NFKBIZ: variants seen among roughly 807,000 people sequenced by gnomAD.
The protein encoded by NFKBIZ is NF-kappa-B inhibitor zeta.
NFKBIZ carries 19 observed loss-of-function variants against 76.8 expected under a neutral mutation model. The observed-to-expected ratio is 0.25, with a 90% CI of 0.17 to 0.36. NFKBIZ has a LOEUF of 0.36. Ranked by LOEUF, NFKBIZ falls within the 10% of genes least tolerant of loss-of-function variation. The probability of loss-of-function intolerance (pLI) is 1.00; values close to 1 mark genes in which losing one functional copy is unlikely to be tolerated. For missense variants in NFKBIZ, 829 were observed against 910.9 expected (o/e 0.91, Z 1.16); for synonymous variants, 368 against 354.8 (o/e 1.04, Z -0.42).
At chr3:101,847,596 T>G (rs772234899), upstream of NFKBIZ, among the ~76,000 whole-genome samples, 102 of 152,232 alleles carry the variant, frequency 6.7e-4, 1 homozygote, top group Non-Finnish European at 1.2e-3. Context: ...GCTCCTGGTC[T>G]ATAAACCTGC....
At chr3:101,839,011 A>C (rs973154360) in intron 2 of NFKBIZ, among the ~76,000 whole-genome samples, 1 of 152,206 alleles carries the variant, frequency 6.6e-6, no homozygotes, top group Non-Finnish European at 1.5e-5. Context: ...TATAAACATT[A>C]TCAGTGTTCC....
Position 101,849,554 on chromosome 3 carries a change from C to A in NFKBIZ, c.-75C>A. The A allele has an allele frequency of 8.0e-7, 1 of 1,247,400 alleles. No individual in the cohort carries two copies. Among genetic ancestry groups the A allele is most frequent in the Non-Finnish European group, 1.0e-6 (1 of 984,942 alleles). 77.3% of individuals were successfully genotyped at this position (1,247,400 alleles called of 1,614,324 possible). On this transcript the variant is annotated 5_prime_UTR_variant, in exon 1 of 12. Coordinates refer to ENST00000326172, the MANE Select transcript of NFKBIZ (RefSeq NM_031419.4). Reference sequence around the variant, plus strand: ...GTCCGCCCGCCGACAGCTCCCTGAGCCAGCCCGGGAGGCAGCCGCGCGCAG... The same window carrying A: ...GTCCGCCCGCCGACAGCTCCCTGAGACAGCCCGGGAGGCAGCCGCGCGCAG...
Position 101,853,230 on chromosome 3 carries a change from T to C in NFKBIZ, c.704T>C (p.Val235Ala). ...TGCAGCCCCGTTTCCCTGAACACAG[T>C]TCAAGTTAGCTGGCTGAACCCCGTG... is the stretch of plus-strand genomic sequence containing the variant. ...NECSPVSLNTVQVSWLNPVVV... is the reference protein window; with the variant it reads ...NECSPVSLNTAQVSWLNPVVV... The change falls in exon 5 of 12, where the codon GTT (valine) becomes GCT (alanine). Residue 235 changes from valine to alanine, a missense_variant. By Grantham distance (64) the Val-to-Ala change is moderately conservative. Coordinates refer to ENST00000326172, the MANE Select transcript of NFKBIZ (RefSeq NM_031419.4). 1 of 1,614,116 alleles carries C rather than the reference T, an allele frequency of 6.2e-7. No homozygotes were observed. Among genetic ancestry groups the C allele is most frequent in the South Asian group, 1.1e-5 (1 of 91,082 alleles).
intron 11 of NFKBIZ, chr3:101,857,786 G>T: frequency 4.1e-6 from 4 of 985,398 alleles, no homozygotes; most frequent in Non-Finnish European, 4.8e-6. Flanking sequence ...CAAGGAAAGA[G>T]AATCTTAGTC....
intron 2 of NFKBIZ, among the ~76,000 whole-genome samples, chr3:101,837,037 C>T (rs369588052): frequency 1.1e-4 from 17 of 152,166 alleles, no homozygotes; most frequent in African/African-American, 3.1e-4. Context: ...CTCATTGTAC[C>T]GATGTGGGTG....
chr3:101,848,775 T>C (rs1218062379), upstream of NFKBIZ: 1 of 152,268 alleles, frequency 6.6e-6, no homozygotes, highest in Non-Finnish European at 1.5e-5. Context: ...GGCTTTGTTC[T>C]AGTATTGAAG....
intron 11 of NFKBIZ, chr3:101,857,868 C>G: frequency 1.1e-6 from 1 of 911,526 alleles, no homozygotes. Context: ...CACAATAGTC[C>G]CGGGTACAGA....
chr3:101,853,699 C>T lies in NFKBIZ; in HGVS notation c.1173C>T (p.Ala391=), dbSNP rs577868551. 47 of 1,614,138 alleles carry T rather than the reference C, an allele frequency of 2.9e-5. No individual in the cohort carries two copies. Among genetic ancestry groups the T allele is most frequent in the Non-Finnish European group, 3.7e-5 (44 of 1,180,062 alleles). ...AGGCCATGGTGGGGCACGAGATGGC[C>T]TCTGACTCTTCAAACACTTCACTGC... ...ACEAMVGHEM[A]SDSSNTSLPF... The change falls in exon 5 of 12, where the codon GCC becomes GCT. Residue 391 remains alanine, a synonymous_variant. Transcript: ENST00000326172.
At chr3:101,831,862 A>G (rs1173499713) in intron 2 of NFKBIZ, among the ~76,000 whole-genome samples, 2 of 149,510 alleles carry the variant, frequency 1.3e-5, no homozygotes, top group Non-Finnish European at 3.0e-5. Context: ...CTAGTCTTGA[A>G]CTCCTGACCT....
rs1943107438 is a variant in NFKBIZ at position 101,859,752 on chromosome 3, G to A, written c.*381G>A. 5.8e-6 allele frequency: 1 copy of A among 171,824 alleles called. No homozygotes were observed. The highest frequency in any genetic ancestry group is 2.4e-5 in the African/African-American group (1 of 42,120). 10.6% of individuals were successfully genotyped at this position (171,824 alleles called of 1,614,324 possible). A position where few individuals can be genotyped will look rare whatever the true frequency, so the allele number is the denominator to read the frequency against. On this transcript the variant is annotated 3_prime_UTR_variant, in exon 12 of 12. Coordinates refer to ENST00000326172, the MANE Select transcript of NFKBIZ (RefSeq NM_031419.4). Reference sequence around the variant, plus strand: ...TAAATGTTTCTTTAAGAAAAAGCATGTGAAAGGAAAAAGGTAAATACAGCA... The same window carrying A: ...TAAATGTTTCTTTAAGAAAAAGCATATGAAAGGAAAAAGGTAAATACAGCA...
rs1302418159 is a variant in NFKBIZ at position 101,849,643 on chromosome 3, G to C, written c.15G>C (p.Lys5Asn). Residue 5 changes from lysine (K) to asparagine (N), a missense_variant, in exon 1 of 12, where the codon AAG becomes AAC. Transcript: ENST00000326172. MIVD[K>N]LLDDSRGGEG... ...AGCCTGGGAGCATGATTGTGGACAAGCTGCTGGACGACAGCCGCGGCGGAG... is the reference window on the plus strand; with the variant it reads ...AGCCTGGGAGCATGATTGTGGACAACCTGCTGGACGACAGCCGCGGCGGAG... 2.2e-6 allele frequency: 3 copies of C among 1,381,382 alleles called. No individual in the cohort carries two copies. Among genetic ancestry groups the C allele is most frequent in the Non-Finnish European group, 2.8e-6 (3 of 1,076,352 alleles). The allele number at this position is 1,381,382 out of a possible 1,614,324, so 85.6% of individuals were successfully genotyped here.
In NFKBIZ at chr3:101,860,813, AAG is replaced by A. The variant is rs1171126964; in HGVS notation, c.*1444_*1445del. On this transcript the variant is annotated 3_prime_UTR_variant, in exon 12 of 12. Coordinates refer to ENST00000326172, the MANE Select transcript of NFKBIZ (RefSeq NM_031419.4). ...CCTTTTTTTTTTAAAAAAAAAAAAA[AAG>A]AAAATCTCATTAGTGAACTTATCTT... The A allele has an allele frequency of 2.5e-4, 38 of 151,166 alleles. No individual in the cohort carries two copies. The highest frequency in any genetic ancestry group is 4.2e-4 in the South Asian group (2 of 4,736). 9.4% of individuals were successfully genotyped at this position (151,166 alleles called of 1,614,324 possible).
At chr3:101,856,094 A>G in intron 9 of NFKBIZ, 192 bp downstream of exon 9, 1 of 402,516 alleles carries the variant, frequency 2.5e-6, no homozygotes. Context: ...TGTGTCGCCC[A>G]GGCTGGAATG....
At position 101,859,423 on chromosome 3, in the gene NFKBIZ, C is replaced by T. The variant is rs1943103989; in HGVS notation, c.*52C>T. 1.4e-6 allele frequency: 2 copies of T among 1,444,742 alleles called. No individual in the cohort carries two copies. Among genetic ancestry groups the T allele is most frequent in the African/African-American group, 1.4e-5 (1 of 71,504 alleles). 89.5% of individuals were successfully genotyped at this position (1,444,742 alleles called of 1,614,324 possible). A position where few individuals can be genotyped will look rare whatever the true frequency, so the allele number is the denominator to read the frequency against. On this transcript the variant is annotated 3_prime_UTR_variant, in exon 12 of 12. Transcript: ENST00000326172. ...AACACTCACTGTCAGTTAGGCAGTC[C>T]TGATGTATCTGTACATAGACCATTT...
At chr3:101,858,864 A>G (rs1943093712) in intron 11 of NFKBIZ, among the ~76,000 whole-genome samples, 1 of 152,176 alleles carries the variant, frequency 6.6e-6, no homozygotes, top group Non-Finnish European at 1.5e-5. Flanking sequence ...TTTTGACTTG[A>G]ATGGTATTAA....
rs1402424167 is a variant in NFKBIZ at position 101,849,657 on chromosome 3, G to A, written c.29G>A (p.Ser10Asn). 4.3e-6 allele frequency: 6 copies of A among 1,399,202 alleles called. No homozygotes were observed. The highest frequency in any genetic ancestry group is 5.5e-6 in the Non-Finnish European group (6 of 1,086,076). The allele number at this position is 1,399,202 out of a possible 1,614,324, so 86.7% of individuals were successfully genotyped here. MIVDKLLDDSRGGEGLRDAA... is the reference protein window; with the variant it reads MIVDKLLDDNRGGEGLRDAA... ...ATTGTGGACAAGCTGCTGGACGACA[G>A]CCGCGGCGGAGAGGGGCTGCGGGAC... is the stretch of plus-strand genomic sequence containing the variant. The change falls in exon 1 of 12, where the codon AGC (serine) becomes AAC (asparagine). Residue 10 changes from serine (S) to asparagine (N), a missense_variant. By Grantham distance (46) the Ser-to-Asn change is conservative. Around this residue, in one of 4 missense-constraint regions of NFKBIZ, gnomAD observed 181 missense variants for 175.3 expected, o/e 1.03. Transcript: ENST00000326172.
rs1942923008 is a variant in NFKBIZ at position 101,849,899 on chromosome 3, C to T, written c.271C>T (p.Arg91Cys). The change falls in exon 1 of 12, where the codon CGC becomes TGC. Residue 91 changes from arginine to cysteine, a missense_variant. Arg to Cys is a radical substitution (Grantham distance 180). Coordinates refer to ENST00000326172, the MANE Select transcript of NFKBIZ (RefSeq NM_031419.4). ...GGAGTCCCGGTCGAGAGGCGGCGCC[C>T]GCGCCGAGCGCCAGCCAGGTACCCG... ...AVESRSRGGA[R>C]AERQPVEPHM... 2 of 1,429,060 alleles carry T rather than the reference C, an allele frequency of 1.4e-6. No homozygotes were observed. Among genetic ancestry groups the T allele is most frequent in the African/African-American group, 3.0e-5 (2 of 66,930 alleles). 88.5% of individuals were successfully genotyped at this position (1,429,060 alleles called of 1,614,324 possible).
At chr3:101,852,838 C>A in intron 3 of NFKBIZ, 48 bp from the exon 4 acceptor site, 1 of 1,601,972 alleles carries the variant, frequency 6.2e-7, no homozygotes, top group Non-Finnish European at 8.5e-7. Flanking sequence ...TTATGGGTAA[C>A]ATTTATAAAA....
chr3:101,853,686 G>C lies in NFKBIZ; in HGVS notation c.1160G>C (p.Gly387Ala). The stretch of plus-strand genomic sequence containing the variant: ...AGCAGCGCCTGTGAGGCCATGGTGG[G>C]GCACGAGATGGCCTCTGACTCTTCA... ...MPSSACEAMV[G>A]HEMASDSSNT... The change falls in exon 5 of 12, where the codon GGG (glycine) becomes GCG (alanine). Residue 387 changes from glycine to alanine, a missense_variant. Physicochemically the swap from Gly to Ala is moderately conservative, Grantham distance 60. This residue lies in a region of NFKBIZ where 371 missense variants were observed against 332.3 expected (regional missense o/e 1.12). Transcript: ENST00000326172. The C allele has an allele frequency of 6.2e-7, 1 of 1,614,210 alleles. No individual in the cohort carries two copies. The highest frequency in any genetic ancestry group is 1.1e-5 in the South Asian group (1 of 91,080).
Sources: gnomAD v4.1 joint callset for allele counts (sites outside exome capture counted in the v4.1 genomes callset) on GRCh38, gnomAD v4.1.1 for gene constraint, gnomAD v4.1.1 regional missense constraint, MANE v1.5 for transcripts, NCBI Gene and HGNC (gene_info 2026-07-23, HGNC 2026-07-21) for gene names.